The following ZNF320 variants were observed in gnomAD, a reference collection of about 807,000 sequenced individuals.
The protein encoded by ZNF320 is zinc finger protein 320.
Under a neutral mutation model 6.8 loss-of-function variants are expected in ZNF320, and 2 were observed. That is an observed-to-expected ratio of 0.29 (90% CI 0.12 to 0.93). The LOEUF is 0.93. Among genes scored for constraint, ZNF320 ranks in the 40% least tolerant of loss-of-function variants. The probability of loss-of-function intolerance (pLI) is 0.55; values close to 1 mark genes in which losing one functional copy is unlikely to be tolerated. For synonymous variants in ZNF320, 208 were observed against 203.2 expected (o/e 1.02, Z -0.20); for missense variants, 472 against 611.0 (o/e 0.77, Z 2.40).
At chr19:52,892,553 C>T (rs2064329538) in intron 2 of ZNF320, among the ~76,000 whole-genome samples, 1 of 152,100 alleles carries the variant, frequency 6.6e-6, no homozygotes, top group Non-Finnish European at 1.5e-5. Context: ...GAGTTCGAGA[C>T]CAACCTGGCA....
chr19:52,862,897 G>A, exon 6 of ZNF320: 1 of 281,690 alleles, frequency 3.5e-6, no homozygotes, highest in South Asian at 3.7e-5. Context: ...AGCTGGGTAT[G>A]GTGGATTCCG....
At chr19:52,883,628 G>T (rs768680959) in intron 5 of ZNF320, 5 of 455,240 alleles carry the variant, frequency 1.1e-5, no homozygotes, top group Non-Finnish European at 2.2e-5. Context: ...GGCCGGCCAC[G>T]GTGGCACATA....
chr19:52,865,683 CAT>C (rs1233279548), intron 5 of ZNF320, among the ~76,000 whole-genome samples: 1 of 126,888 alleles, frequency 7.9e-6, no homozygotes, highest in Admixed American at 8.7e-5. Flanking sequence ...TATGATTATA[CAT>C]ATATATTATA....
chr19:52,899,799 G>T (rs1384978051), upstream of ZNF320, among the ~76,000 whole-genome samples: 3 of 152,294 alleles, frequency 2.0e-5, no homozygotes, highest in East Asian at 5.8e-4. Context: ...TGCCGGGCAA[G>T]AACAGTCAAG....
At chr19:52,861,488 G>C (rs2063486733) in exon 6 of ZNF320, among the ~76,000 whole-genome samples, 1 of 152,100 alleles carries the variant, frequency 6.6e-6, no homozygotes, top group South Asian at 2.1e-4. Flanking sequence ...TTGTGTTAAA[G>C]AAACAAAAAA....
At chr19:52,875,787 GAA>G (rs11324599), downstream of ZNF320, among the ~76,000 whole-genome samples, 3 of 139,102 alleles carry the variant, frequency 2.2e-5, no homozygotes, top group African/African-American at 7.9e-5. Context: ...CTCAAAAAAA[GAA>G]AAAAAAAAAA....
chr19:52,865,555 T>TTA lies in ZNF320; in HGVS notation c.224-1398_224-1397dup, dbSNP rs1188981602. 5.6e-4 allele frequency: 64 copies of TTA among 114,418 alleles called. 2 individuals carry two copies. Among genetic ancestry groups the TTA allele is most frequent in the African/African-American group, 2.3e-3 (60 of 26,448 alleles). 7.1% of individuals were successfully genotyped at this position (114,418 alleles called of 1,614,324 possible). On this transcript the variant is annotated intron_variant, in intron 5 of 5. Transcript: ENST00000673631. The stretch of plus-strand genomic sequence containing the variant: ...TTTATATATGATTATACATATATAT[T>TTA]TATATGATCATACATATATATTTAT...
chr19:52,873,682 G>C (rs1379622165), downstream of ZNF320, among the ~76,000 whole-genome samples: 6 of 152,150 alleles, frequency 3.9e-5, no homozygotes, highest in Admixed American at 3.9e-4. Flanking sequence ...CGTCCATCCA[G>C]ATGTGGCCCT....
intron 5 of ZNF320, among the ~76,000 whole-genome samples, chr19:52,865,891 ATT>A (rs1469726161): frequency 1.0e-3 from 124 of 124,092 alleles, no homozygotes; most frequent in African/African-American, 1.7e-3. Context: ...TTATACATAT[ATT>A]TATATATATG....
chr19:52,898,394 G>A (rs568101168), upstream of ZNF320, among the ~76,000 whole-genome samples: 1 of 152,302 alleles, frequency 6.6e-6, no homozygotes, highest in Admixed American at 6.5e-5. Flanking sequence ...AGCAGGAGCC[G>A]CAAGACCGCT....
At position 52,881,175 on chromosome 19, in the gene ZNF320, TGC is replaced by T. The variant is rs1491546758; in HGVS notation, c.949_950del (p.Ala317ArgfsTer4). 1.9e-6 allele frequency: 3 copies of T among 1,614,078 alleles called. No homozygotes were observed. The highest frequency in any genetic ancestry group is 2.7e-5 in the African/African-American group (2 of 74,924). ...GKVFKQRATL[A>X]GHRRVHTGEK... The stretch of plus-strand genomic sequence containing the variant: ...CTCCAGTGTGAACTCTACGATGTCC[TGC>T]AAGAGTTGCTCGTTGCTTAAAAACC... On this transcript the variant is annotated frameshift_variant, in exon 6 of 6. Coordinates refer to ENST00000682928, the MANE Select transcript of ZNF320 (RefSeq NM_001351774.2). LOFTEE classifies it low-confidence loss of function (END_TRUNC).
chr19:52,866,984 A>C (rs1028492888), intron 5 of ZNF320, among the ~76,000 whole-genome samples: 25 of 152,194 alleles, frequency 1.6e-4, no homozygotes, highest in African/African-American at 6.0e-4. Context: ...CTATATACAC[A>C]TATTGCCCTT....
chr19:52,878,241 C>CT lies in ZNF320; in HGVS notation c.*2354dup, dbSNP rs59001698. 0.021 allele frequency: 2,093 copies of CT among 98,852 alleles called. 199 individuals carry two copies. Among genetic ancestry groups the CT allele is most frequent in the African/African-American group, 0.051 (1,155 of 22,860 alleles). The allele number at this position is 98,852 out of a possible 1,614,324, so 6.1% of individuals were successfully genotyped here. On this transcript the variant is annotated 3_prime_UTR_variant, in exon 6 of 6. Coordinates refer to ENST00000682928, the MANE Select transcript of ZNF320 (RefSeq NM_001351774.2). ...TGCCTGCCACTCTGTGCATCACTTT[C>CT]TTTTTTTTTTTTTTTTTTTTTTTTT...
At position 52,878,176 on chromosome 19, in the gene ZNF320, G is replaced by T. The variant is rs2162919; in HGVS notation, c.*2420C>A. Reference sequence around the variant, plus strand: ...TCCAGCTTGGCTCTTCTCCAGTGTCGTCTTTGACAGTTGTACCTATAAAAC... The same window carrying T: ...TCCAGCTTGGCTCTTCTCCAGTGTCTTCTTTGACAGTTGTACCTATAAAAC... On this transcript the variant is annotated 3_prime_UTR_variant, in exon 6 of 6. Coordinates refer to ENST00000682928, the MANE Select transcript of ZNF320 (RefSeq NM_001351774.2). 131,650 of 202,700 alleles carry T rather than the reference G, an allele frequency of 0.65. 43,647 individuals are homozygous for T. Among genetic ancestry groups the T allele is most frequent in the Non-Finnish European group, 0.69 (66,050 of 95,158 alleles). The allele number at this position is 202,700 out of a possible 1,614,324, so 12.6% of individuals were successfully genotyped here.
At chr19:52,890,511 C>G (rs144408603) in intron 3 of ZNF320, 183 bp from the exon 4 acceptor site, 1 of 505,038 alleles carries the variant, frequency 2.0e-6, no homozygotes, top group Non-Finnish European at 3.4e-6. Context: ...TCCACACACA[C>G]GCTGCAGCAG....
intron 5 of ZNF320, among the ~76,000 whole-genome samples, chr19:52,869,275 G>A (rs1199606983): frequency 6.6e-6 from 1 of 152,198 alleles, no homozygotes; most frequent in African/African-American, 2.4e-5. Context: ...GTGGCCTAAG[G>A]TGAAAGCAGT....
At chr19:52,875,445 A>G (rs565410279), downstream of ZNF320, among the ~76,000 whole-genome samples, 1 of 152,330 alleles carries the variant, frequency 6.6e-6, no homozygotes, top group African/African-American at 2.4e-5. Context: ...TAGGTTCAAG[A>G]TGATTTGAGT....
At chr19:52,889,315 C>T (rs2064210316) in intron 4 of ZNF320, among the ~76,000 whole-genome samples, 1 of 151,998 alleles carries the variant, frequency 6.6e-6, no homozygotes, top group Admixed American at 6.6e-5. Flanking sequence ...AATGCCCCAT[C>T]CTAGATGAAT....
exon 6 of ZNF320, chr19:52,862,290 C>A (rs1325001327): frequency 3.3e-6 from 2 of 607,424 alleles, no homozygotes; most frequent in Non-Finnish European, 5.7e-6. Context: ...AGGGTGAATT[C>A]TAGTATGTCC....
Sources: allele counts gnomAD v4.1 joint callset (sites outside exome capture counted in the v4.1 genomes callset), GRCh38; gene constraint gnomAD v4.1.1; transcripts MANE v1.5; gene names NCBI Gene and HGNC (gene_info 2026-07-23, HGNC 2026-07-21).